RHD: variants seen among roughly 807,000 people sequenced by gnomAD.
The protein encoded by RHD is Rh blood group D antigen.
A neutral mutation model predicts 45.5 loss-of-function variants in RHD; 16 were observed. That is an observed-to-expected ratio of 0.35 (90% confidence interval 0.24 to 0.53). RHD has a LOEUF of 0.53. RHD is among the 20% of genes least tolerant of loss of function. The probability of loss-of-function intolerance (pLI) is 0.92; values close to 1 mark genes in which losing one functional copy is unlikely to be tolerated. For synonymous variants in RHD, 131 were observed against 217.5 expected (o/e 0.60, Z 3.50); for missense variants, 306 against 532.0 (o/e 0.58, Z 4.18).
chr1:25,297,803 A>C lies in RHD; in HGVS notation c.487-3143A>C. 1.5e-5 allele frequency among the ~76,000 whole-genome samples: 2 copies of C among 132,036 alleles called. 1 individual carries two copies. The highest frequency in any genetic ancestry group is 3.6e-5 in the Non-Finnish European group (2 of 55,954). 86.6% of individuals were successfully genotyped at this position (132,036 alleles called of 152,430 possible). A position where few individuals can be genotyped will look rare whatever the true frequency, so the allele number is the denominator to read the frequency against. The stretch of plus-strand genomic sequence containing the variant: ...GGAATGAAGAGAATTCAGTGTAAGA[A>C]CCATAAAGGTGTATCTGTGTAGTAT... On this transcript the variant is annotated intron_variant, in intron 3 of 9. Transcript: ENST00000328664.
Position 25,272,567 on chromosome 1 carries a change from G to A in RHD, c.20G>A (p.Arg7Gln), listed in dbSNP as rs777840871. The A allele has an allele frequency of 2.0e-5, 31 of 1,582,650 alleles. 1 individual carries two copies. The highest frequency in any genetic ancestry group is 1.9e-4 in the Admixed American group (11 of 58,456). The change falls in exon 1 of 10, where the codon CGG becomes CAG. Residue 7 changes from arginine (R) to glutamine (Q), a missense_variant. Transcript: ENST00000328664. ...CACAGGATGAGCTCTAAGTACCCGCGGTCTGTCCGGCGCTGCCTGCCCCTC... is the reference window on the plus strand; with the variant it reads ...CACAGGATGAGCTCTAAGTACCCGCAGTCTGTCCGGCGCTGCCTGCCCCTC... The part of the protein sequence containing the change: MSSKYP[R>Q]SVRRCLPLWA...
chr1:25,279,484 C>G (rs1641293474), intron 1 of RHD, among the ~76,000 whole-genome samples: 1 of 123,150 alleles, frequency 8.1e-6, no homozygotes, highest in Admixed American at 7.8e-5. Context: ...ATGGTTAAAC[C>G]TAGGTAGGTA....
At position 25,284,647 on chromosome 1, in the gene RHD, A is replaced by G. The variant is rs753714023; in HGVS notation, c.223A>G (p.Ser75Gly). 10 of 1,388,670 alleles carry G rather than the reference A, an allele frequency of 7.2e-6. No individual in the cohort carries two copies. The highest frequency in any genetic ancestry group is 1.0e-5 in the Non-Finnish European group (10 of 985,540). 86.0% of individuals were successfully genotyped at this position (1,388,670 alleles called of 1,614,324 possible). The change falls in exon 2 of 10, where the codon AGC becomes GGC. Residue 75 changes from serine to glycine, a missense_variant. By Grantham distance (56) the Ser-to-Gly change is moderately conservative. Coordinates refer to ENST00000328664, the MANE Select transcript of RHD (RefSeq NM_016124.6). Reference protein sequence around the residue: ...LTSSFRRHSWSSVAFNLFMLA... With the variant: ...LTSSFRRHSWGSVAFNLFMLA... ...CTCGAGTTTCCGGAGACACAGCTGG[A>G]GCAGTGTGGCCTTCAACCTCTTCAT... is the stretch of plus-strand genomic sequence containing the variant.
chr1:25,315,196 G>GA (rs1365122102), intron 7 of RHD, among the ~76,000 whole-genome samples: 2 of 129,766 alleles, frequency 1.5e-5, no homozygotes, highest in African/African-American at 5.3e-5. Flanking sequence ...ATGTCCCCCT[G>GA]ATTTTTTTCC....
rs1367781250 is a variant in RHD, at chr1:25,319,347, G to T, written c.1153+2268G>T. 5.3e-5 allele frequency among the ~76,000 whole-genome samples: 7 copies of T among 132,666 alleles called. 3 individuals carry two copies. The highest frequency in any genetic ancestry group is 1.1e-4 in the Non-Finnish European group (6 of 55,916). The allele number at this position is 132,666 out of a possible 152,430, so 87.0% of individuals were successfully genotyped here. ...ACTGGTGATTAAAAACAACTTGGGTGGCTCATACTTGTAATCCCAGCACCT... is the reference window on the plus strand; with the variant it reads ...ACTGGTGATTAAAAACAACTTGGGTTGCTCATACTTGTAATCCCAGCACCT... On this transcript the variant is annotated intron_variant, in intron 8 of 9. Coordinates refer to ENST00000328664, the MANE Select transcript of RHD (RefSeq NM_016124.6).
intron 3 of RHD, among the ~76,000 whole-genome samples, chr1:25,298,310 G>C (rs1185606106): frequency 8.1e-6 from 1 of 122,790 alleles, no homozygotes; most frequent in African/African-American, 2.6e-5. Flanking sequence ...TCTTCATAAC[G>C]ATTGCTTTAA....
intron 6 of RHD, among the ~76,000 whole-genome samples, chr1:25,305,774 G>T (rs1326869144): frequency 1.5e-5 from 2 of 130,304 alleles, no homozygotes; most frequent in East Asian, 3.9e-4. Context: ...CTAATTTTTT[G>T]TGTTTTTAGT....
intron 3 of RHD, among the ~76,000 whole-genome samples, chr1:25,298,014 G>A (rs1165753247): frequency 1.6e-5 from 2 of 126,756 alleles, no homozygotes; most frequent in African/African-American, 2.7e-5. Flanking sequence ...TCTCTTTAGC[G>A]AAAAACGTGT....
At position 25,297,239 on chromosome 1, in the gene RHD, G is replaced by T. The variant is rs1643031976; in HGVS notation, c.487-3707G>T. 2.3e-5 allele frequency among the ~76,000 whole-genome samples: 2 copies of T among 88,822 alleles called. 1 individual carries two copies. Among genetic ancestry groups the T allele is most frequent in the South Asian group, 7.3e-4 (2 of 2,744 alleles). The allele number at this position is 88,822 out of a possible 152,430, so 58.3% of individuals were successfully genotyped here. A position where few individuals can be genotyped will look rare whatever the true frequency, so the allele number is the denominator to read the frequency against. On this transcript the variant is annotated intron_variant, in intron 3 of 9. Coordinates refer to ENST00000328664, the MANE Select transcript of RHD (RefSeq NM_016124.6). ...TGTGGGTTTGTCTGCTGTTCCTCATGATTAGATTGTGGGTATGCATTTTTG... is the reference window on the plus strand; with the variant it reads ...TGTGGGTTTGTCTGCTGTTCCTCATTATTAGATTGTGGGTATGCATTTTTG...
chr1:25,286,787 A>G lies in RHD; in HGVS notation c.335+2028A>G, dbSNP rs1642050013. Among the ~76,000 whole-genome samples the G allele has an allele frequency of 1.5e-5, 2 of 130,192 alleles. 1 individual carries two copies. Among genetic ancestry groups the G allele is most frequent in the Non-Finnish European group, 3.6e-5 (2 of 55,988 alleles). The allele number at this position is 130,192 out of a possible 152,430, so 85.4% of individuals were successfully genotyped here. ...GGTGACAGAGCGAGACTCCGTCTCA[A>G]AAAAAAAAAACAAAAACAGTTTTAG... On this transcript the variant is annotated intron_variant, in intron 2 of 9. Transcript: ENST00000328664.
rs1375262875 is a variant in RHD at position 25,305,746 on chromosome 1, G to A, written c.940-850G>A. The stretch of plus-strand genomic sequence containing the variant: ...CTCCTGAGTAGCTGGGTCTACAGGC[G>A]CCCACCACCACGCCCAGCTAATTTT... On this transcript the variant is annotated intron_variant, in intron 6 of 9. Transcript: ENST00000328664. Among the ~76,000 whole-genome samples, 11 of 130,136 alleles carry A rather than the reference G, an allele frequency of 8.5e-5. 1 individual carries two copies. The highest frequency in any genetic ancestry group is 4.8e-4 in the South Asian group (2 of 4,206). 85.4% of individuals were successfully genotyped at this position (130,136 alleles called of 152,430 possible).
chr1:25,278,536 G>T (rs1274387331), intron 1 of RHD, among the ~76,000 whole-genome samples: 1 of 131,484 alleles, frequency 7.6e-6, no homozygotes, highest in East Asian at 2.0e-4. Context: ...TGCAGTTTGG[G>T]GTGGGATGGC....
intron 1 of RHD, among the ~76,000 whole-genome samples, chr1:25,280,319 T>C (rs1227845961): frequency 8.0e-6 from 1 of 124,848 alleles, no homozygotes; most frequent in Non-Finnish European, 1.9e-5. Context: ...TTTTTTTTTT[T>C]TTTTGAGCTG....
intron 2 of RHD, among the ~76,000 whole-genome samples, chr1:25,286,557 C>T (rs1455100694): frequency 7.5e-6 from 1 of 133,472 alleles, no homozygotes; most frequent in Admixed American, 7.2e-5. Context: ...GAGGCCAAGG[C>T]GGGGGGATCA....
rs1644334164 is a variant in RHD at position 25,314,543 on chromosome 1, G to C, written c.1074-2457G>C. On this transcript the variant is annotated intron_variant, in intron 7 of 9. Coordinates refer to ENST00000328664, the MANE Select transcript of RHD (RefSeq NM_016124.6). The stretch of plus-strand genomic sequence containing the variant: ...GAGTCTCCTTCTGTCACCCAGGCTG[G>C]AATGCAGTGGCGCTATCTCAGCCCA... Among the ~76,000 whole-genome samples, 3 of 132,448 alleles carry C rather than the reference G, an allele frequency of 2.3e-5. 1 individual carries two copies. In the South Asian group the frequency reaches 7.0e-4, roughly 31 times the overall value. The allele number at this position is 132,448 out of a possible 152,430, so 86.9% of individuals were successfully genotyped here. A position where few individuals can be genotyped will look rare whatever the true frequency, so the allele number is the denominator to read the frequency against.
At chr1:25,303,130 A>G (rs1409409855) in intron 5 of RHD, among the ~76,000 whole-genome samples, 192 bp from the exon 6 acceptor site, 1 of 132,074 alleles carries the variant, frequency 7.6e-6, no homozygotes, top group Non-Finnish European at 1.8e-5. Flanking sequence ...CCTAAGAGGC[A>G]GTAGTGAGCT....
chr1:25,325,061 AAAGT>A (rs1299166416), intron 9 of RHD, among the ~76,000 whole-genome samples: 1 of 46,590 alleles, frequency 2.1e-5, no homozygotes, highest in African/African-American at 9.9e-5. Context: ...AGAGAAAAAA[AAAGT>A]AAGTATCTCA....
chr1:25,313,702 C>G lies in RHD; in HGVS notation c.1074-3298C>G, dbSNP rs568796058. 3.0e-4 allele frequency among the ~76,000 whole-genome samples: 40 copies of G among 132,162 alleles called. No individual in the cohort carries two copies. In the East Asian group the frequency reaches 7.8e-3, roughly 26 times the overall value. The allele number at this position is 132,162 out of a possible 152,430, so 86.7% of individuals were successfully genotyped here. A position where few individuals can be genotyped will look rare whatever the true frequency, so the allele number is the denominator to read the frequency against. The stretch of plus-strand genomic sequence containing the variant: ...AAGAGAGGGGGAACTGGGACTATGC[C>G]TTTATGAAAAAGAGTGGTGGGAGAG... On this transcript the variant is annotated intron_variant, in intron 7 of 9. Transcript: ENST00000328664.
At chr1:25,276,073 C>A (rs1473017729) in intron 1 of RHD, among the ~76,000 whole-genome samples, 2 of 131,756 alleles carry the variant, frequency 1.5e-5, no homozygotes, top group East Asian at 3.9e-4. Flanking sequence ...TTATTCAAAC[C>A]TGCCAATTCT....
Sources: allele counts gnomAD v4.1 joint callset (sites outside exome capture counted in the v4.1 genomes callset), GRCh38; gene constraint gnomAD v4.1.1; transcripts MANE v1.5; gene names NCBI Gene and HGNC (gene_info 2026-07-23, HGNC 2026-07-21).